EIPR1: variants seen among roughly 807,000 people sequenced by gnomAD.
EIPR1 encodes EARP and GARP complex-interacting protein 1.
Under a neutral mutation model 48.1 loss-of-function variants are expected in EIPR1, and 25 were observed. That is an observed-to-expected ratio of 0.52 (90% CI 0.38 to 0.73). EIPR1 has a LOEUF of 0.73. Among genes scored for constraint, EIPR1 ranks in the 30% least tolerant of loss-of-function variants. The pLI is 0.00. For synonymous variants in EIPR1, 204 were observed against 201.9 expected, an observed-to-expected ratio of 1.01 and a Z score of -0.09; for missense variants, 415 against 506.2, an observed-to-expected ratio of 0.82 and a Z score of 1.73.
rs573160847 is a variant in EIPR1, at chr2:3,276,207, T to C, written c.260-18752A>G. ...GAAAATCAATCTAAAGTGGACTGTTTACTTCCTTGCTGTTGCAAATGCTAT... is the reference window on the plus strand; with the variant it reads ...GAAAATCAATCTAAAGTGGACTGTTCACTTCCTTGCTGTTGCAAATGCTAT... On this transcript the variant is annotated intron_variant, in intron 3 of 8. Transcript: ENST00000382125. Among the ~76,000 whole-genome samples the C allele has an allele frequency of 4.6e-5, 7 of 152,328 alleles. No homozygotes were observed. The East Asian group carries it at 7.7e-4, about 17-fold the overall frequency.
chr2:3,308,893 G>T (rs1669036669), intron 3 of EIPR1, among the ~76,000 whole-genome samples: 1 of 152,148 alleles, frequency 6.6e-6, no homozygotes, highest in Non-Finnish European at 1.5e-5. Flanking sequence ...TTCACTGCAA[G>T]TATCCTTAGG....
intron 2 of EIPR1, among the ~76,000 whole-genome samples, chr2:3,349,574 A>AGGGACAGGGAGCATGCCAGGAGACG (rs1196305973): frequency 2.0e-5 from 3 of 151,142 alleles, no homozygotes; most frequent in African/African-American, 7.4e-5. Flanking sequence ...AGACAGGGAC[A>AGGGACAGGGAGCATGCCAGGAGACG]GGGACAGGGA....
chr2:3,356,827 T>C (rs1327336791), intron 1 of EIPR1, among the ~76,000 whole-genome samples: 1 of 152,206 alleles, frequency 6.6e-6, no homozygotes, highest in Non-Finnish European at 1.5e-5. Flanking sequence ...TAAGGCCAAT[T>C]CACCCTGACT....
At chr2:3,287,009 C>T (rs549005639) in intron 3 of EIPR1, among the ~76,000 whole-genome samples, 32 of 145,058 alleles carry the variant, frequency 2.2e-4, no homozygotes, top group Admixed American at 1.3e-3. Context: ...GCAGAGGCGG[C>T]GGTGGGGAGC....
At chr2:3,325,934 G>A (rs1669683865) in intron 3 of EIPR1, among the ~76,000 whole-genome samples, 1 of 152,252 alleles carries the variant, frequency 6.6e-6, no homozygotes, top group African/African-American at 2.4e-5. Flanking sequence ...CATCATGGAA[G>A]GGAAGGCTCG....
intron 1 of EIPR1, among the ~76,000 whole-genome samples, chr2:3,363,854 T>G (rs560791898): frequency 5.8e-5 from 8 of 137,460 alleles, no homozygotes; most frequent in Admixed American, 1.4e-4. Context: ...GGGCAAAAGA[T>G]CTGAATAGAC....
intron 4 of EIPR1, among the ~76,000 whole-genome samples, chr2:3,220,236 T>C (rs1469041648): frequency 6.6e-6 from 1 of 152,120 alleles, no homozygotes; most frequent in Non-Finnish European, 1.5e-5. Context: ...ACACACACAA[T>C]GGTCATAGAA....
At chr2:3,335,530 T>C (rs537093872) in intron 3 of EIPR1, among the ~76,000 whole-genome samples, 1 of 152,054 alleles carries the variant, frequency 6.6e-6, no homozygotes, top group African/African-American at 2.4e-5. Flanking sequence ...AGTTATACGA[T>C]GGTGGAGTAA....
chr2:3,212,779 A>C (rs1665502392), intron 5 of EIPR1, among the ~76,000 whole-genome samples: 1 of 152,150 alleles, frequency 6.6e-6, no homozygotes, highest in African/African-American at 2.4e-5. Flanking sequence ...GTTTGTGTGA[A>C]ACTTGCATTC....
At chr2:3,242,098 C>T (rs372043305) in intron 4 of EIPR1, among the ~76,000 whole-genome samples, 3 of 152,212 alleles carry the variant, frequency 2.0e-5, no homozygotes, top group Admixed American at 6.5e-5. Flanking sequence ...AACAGGAGCT[C>T]CCGACTCGAC....
intron 5 of EIPR1, among the ~76,000 whole-genome samples, chr2:3,199,486 A>C (rs1664937044): frequency 6.6e-6 from 1 of 152,260 alleles, no homozygotes; most frequent in South Asian, 2.1e-4. Context: ...TCACGGCTTC[A>C]GCAGGTCCCT....
intron 4 of EIPR1, among the ~76,000 whole-genome samples, chr2:3,237,746 G>C (rs930434857): frequency 2.6e-5 from 4 of 152,192 alleles, no homozygotes; most frequent in African/African-American, 9.7e-5. Flanking sequence ...CTTGGTGCCT[G>C]CATCTCTCTG....
intron 3 of EIPR1, among the ~76,000 whole-genome samples, chr2:3,287,746 A>C (rs866108804): frequency 2.0e-5 from 3 of 151,298 alleles, no homozygotes; most frequent in Admixed American, 6.6e-5. Context: ...TAGAAAGCTC[A>C]TTCACTATGC....
intron 3 of EIPR1, among the ~76,000 whole-genome samples, chr2:3,275,012 A>C (rs1158624550): frequency 1.3e-5 from 2 of 152,128 alleles, no homozygotes; most frequent in Admixed American, 1.3e-4. Flanking sequence ...AAACAGCATA[A>C]AGTAAGATGA....
intron 3 of EIPR1, among the ~76,000 whole-genome samples, chr2:3,283,856 G>C (rs966257546): frequency 6.8e-6 from 1 of 146,590 alleles, no homozygotes; most frequent in Admixed American, 6.9e-5. Context: ...TGAGGCAGGA[G>C]AATCACTTGA....
rs76591385 is a variant in EIPR1 at position 3,349,312 on chromosome 2, C to T, written c.126+5238G>A. On this transcript the variant is annotated intron_variant, in intron 2 of 8. Transcript: ENST00000382125. ...GGAACCAGCCCTAACCGGCCCTGCT[C>T]CAGTACCAGCTGCCTCCTCCAGCCA... is the stretch of plus-strand genomic sequence containing the variant. Among the ~76,000 whole-genome samples the T allele has an allele frequency of 9.8e-3, 1,492 of 152,380 alleles. 163 individuals carry two copies. The East Asian group carries it at 0.23, about 23-fold the overall frequency.
At chr2:3,351,866 T>G (rs547514677) in intron 2 of EIPR1, among the ~76,000 whole-genome samples, 1 of 152,326 alleles carries the variant, frequency 6.6e-6, no homozygotes, top group South Asian at 2.1e-4. Context: ...AATGAAAAAT[T>G]CCAGAAATAA....
At chr2:3,288,898 G>A (rs1049165531) in intron 3 of EIPR1, among the ~76,000 whole-genome samples, 8 of 152,214 alleles carry the variant, frequency 5.3e-5, no homozygotes, top group South Asian at 2.1e-4. Flanking sequence ...CCTCGGCAAC[G>A]CCCACAGGCC....
chr2:3,277,296 C>CCA (rs1456991831), intron 3 of EIPR1, among the ~76,000 whole-genome samples: 1 of 152,114 alleles, frequency 6.6e-6, no homozygotes, highest in Non-Finnish European at 1.5e-5. Context: ...TCACACGGCT[C>CCA]CACACGTGTC....
Sources: gnomAD v4.1 joint callset for allele counts (sites outside exome capture counted in the v4.1 genomes callset) on GRCh38, gnomAD v4.1.1 for gene constraint, MANE v1.5 for transcripts, NCBI Gene and HGNC (gene_info 2026-07-23, HGNC 2026-07-21) for gene names.